ARHGAP15: variants seen among roughly 807,000 people sequenced by gnomAD.
ARHGAP15 encodes rho GTPase-activating protein 15.
ARHGAP15 carries 51 observed loss-of-function variants against 63.7 expected under a neutral mutation model. The observed-to-expected ratio is 0.80, with a 90% confidence interval of 0.64 to 1.01. ARHGAP15 has a LOEUF of 1.01. Among genes scored for constraint, ARHGAP15 ranks in the 50% least tolerant of loss-of-function variants. The pLI, the probability that ARHGAP15 is intolerant of heterozygous loss-of-function variation, is 0.00. For missense variants in ARHGAP15, 560 were observed against 564.6 expected, an observed-to-expected ratio of 0.99 and a Z score of 0.08; for synonymous variants, 191 against 193.8, an observed-to-expected ratio of 0.99 and a Z score of 0.12.
At chr2:143,713,593 C>A (rs548343843) in intron 13 of ARHGAP15, among the ~76,000 whole-genome samples, 11 of 152,286 alleles carry the variant, frequency 7.2e-5, no homozygotes, top group African/African-American at 2.4e-4. Context: ...TCATCTGAGA[C>A]AAGGCACGTC....
intron 12 of ARHGAP15, among the ~76,000 whole-genome samples, chr2:143,657,300 T>G (rs1033777367): frequency 6.6e-6 from 1 of 152,154 alleles, no homozygotes; most frequent in Non-Finnish European, 1.5e-5. Flanking sequence ...TGAGCCGAGA[T>G]CGCGCCACTG....
chr2:143,171,256 G>T (rs1044655691), intron 2 of ARHGAP15, among the ~76,000 whole-genome samples: 2 of 152,114 alleles, frequency 1.3e-5, no homozygotes, highest in South Asian at 2.1e-4. Flanking sequence ...CCTGCCTTGT[G>T]GTTCAGAGTT....
intron 2 of ARHGAP15, among the ~76,000 whole-genome samples, chr2:143,164,488 C>A (rs1690423594): frequency 6.6e-6 from 1 of 151,844 alleles, no homozygotes; most frequent in Non-Finnish European, 1.5e-5. Context: ...TTCCAATGCA[C>A]TGACAATAGG....
In ARHGAP15 at chr2:143,625,873, C is replaced by T. The variant is rs777180777; in HGVS notation, c.1138+1606C>T. On this transcript the variant is annotated intron_variant, in intron 12 of 13. Transcript: ENST00000295095. The stretch of plus-strand genomic sequence containing the variant: ...GATGATCTCATTTGGAAATATACTT[C>T]GGTATGTGCTATTTGGGGGCTATAA... Among the ~76,000 whole-genome samples the T allele has an allele frequency of 9.5e-4, 145 of 152,262 alleles. 2 individuals carry two copies. Among genetic ancestry groups the T allele is most frequent in the Non-Finnish European group, 9.0e-4 (61 of 68,026 alleles).
At chr2:143,294,557 A>G (rs1682552569) in intron 6 of ARHGAP15, among the ~76,000 whole-genome samples, 1 of 152,034 alleles carries the variant, frequency 6.6e-6, no homozygotes. Context: ...TGTGGCTTCT[A>G]AGACCACTGT....
chr2:143,353,688 T>A (rs1371318180), intron 6 of ARHGAP15, among the ~76,000 whole-genome samples: 1 of 152,124 alleles, frequency 6.6e-6, no homozygotes, highest in Non-Finnish European at 1.5e-5. Flanking sequence ...TCTAAAATTG[T>A]GAGATGGTTG....
chr2:143,587,785 A>G (rs745663336), intron 11 of ARHGAP15: 1 of 469,372 alleles, frequency 2.1e-6, no homozygotes, highest in Non-Finnish European at 4.4e-6. Flanking sequence ...TGACCTCCAG[A>G]GCAAGCCAAT....
chr2:143,280,730 A>C (rs1681798678), intron 6 of ARHGAP15, among the ~76,000 whole-genome samples: 1 of 152,166 alleles, frequency 6.6e-6, no homozygotes, highest in African/African-American at 2.4e-5. Flanking sequence ...TTAAAAAGCT[A>C]AGTTTTAAGG....
chr2:143,297,596 G>A (rs866894146), intron 6 of ARHGAP15, among the ~76,000 whole-genome samples: 1 of 151,934 alleles, frequency 6.6e-6, no homozygotes, highest in South Asian at 2.1e-4. Context: ...TCTCTTACAG[G>A]TATATCCTTC....
chr2:143,322,689 C>T (rs534317465), intron 6 of ARHGAP15, among the ~76,000 whole-genome samples: 26 of 152,278 alleles, frequency 1.7e-4, no homozygotes, highest in African/African-American at 5.8e-4. Flanking sequence ...GATAGAATGA[C>T]CTCAGGATCT....
At chr2:143,163,808 G>A (rs1253926423) in intron 2 of ARHGAP15, among the ~76,000 whole-genome samples, 1 of 152,080 alleles carries the variant, frequency 6.6e-6, no homozygotes, top group Non-Finnish European at 1.5e-5. Flanking sequence ...AGTGGGGGCG[G>A]CGGTGTGTTT....
At chr2:143,548,734 C>A (rs1048172065) in intron 10 of ARHGAP15, among the ~76,000 whole-genome samples, 3 of 150,920 alleles carry the variant, frequency 2.0e-5, no homozygotes, top group African/African-American at 7.3e-5. Flanking sequence ...CAAAAGCAAA[C>A]AAAATAATAA....
At chr2:143,593,809 G>T (rs1256132262) in intron 11 of ARHGAP15, among the ~76,000 whole-genome samples, 2 of 152,036 alleles carry the variant, frequency 1.3e-5, no homozygotes, top group African/African-American at 4.8e-5. Context: ...ACAAGTAAAG[G>T]TCTTTTAAAC....
chr2:143,410,929 C>T (rs747444524), intron 6 of ARHGAP15, among the ~76,000 whole-genome samples: 1 of 151,484 alleles, frequency 6.6e-6, no homozygotes, highest in African/African-American at 2.4e-5. Flanking sequence ...GGAGGCCAGG[C>T]GTGATGGCTC....
chr2:143,751,018 T>C (rs1686351235), intron 13 of ARHGAP15, among the ~76,000 whole-genome samples: 1 of 152,196 alleles, frequency 6.6e-6, no homozygotes, highest in East Asian at 1.9e-4. Context: ...CAGCTCTATT[T>C]CTATTGGAAC....
chr2:143,704,296 G>A (rs1295338982), intron 13 of ARHGAP15, among the ~76,000 whole-genome samples: 1 of 152,178 alleles, frequency 6.6e-6, no homozygotes, highest in African/African-American at 2.4e-5. Flanking sequence ...GCATTGCAAA[G>A]GTGAAGAGAG....
At chr2:143,426,695 G>A (rs565367796) in intron 6 of ARHGAP15, among the ~76,000 whole-genome samples, 40 of 152,254 alleles carry the variant, frequency 2.6e-4, no homozygotes, top group African/African-American at 9.4e-4. Flanking sequence ...TCAGTAAAGA[G>A]ACCAACTTTG....
At chr2:143,446,357 A>G (rs965327655) in intron 8 of ARHGAP15, among the ~76,000 whole-genome samples, 2 of 151,934 alleles carry the variant, frequency 1.3e-5, no homozygotes, top group East Asian at 3.8e-4. Context: ...AAATCTACCA[A>G]TTTAGAAATA....
At chr2:143,217,398 T>A (rs557252624) in intron 4 of ARHGAP15, among the ~76,000 whole-genome samples, 1 of 152,304 alleles carries the variant, frequency 6.6e-6, no homozygotes, top group African/African-American at 2.4e-5. Flanking sequence ...CTATTTCAGT[T>A]GTAAATAACA....
Sources: allele counts gnomAD v4.1 joint callset (sites outside exome capture counted in the v4.1 genomes callset), GRCh38; gene constraint gnomAD v4.1.1; transcripts MANE v1.5; gene names NCBI Gene and HGNC (gene_info 2026-07-23, HGNC 2026-07-21).